Variants in FGGY observed in about 807,000 individuals in gnomAD.
FGGY encodes FGGY carbohydrate kinase domain containing.
A neutral mutation model predicts 71.3 loss-of-function variants in FGGY; 72 were observed. The ratio of observed to expected loss-of-function variants is 1.01; its 90% CI spans 0.84 to 1.23. FGGY has a LOEUF of 1.23. Among genes scored for constraint, FGGY ranks in the 50% most tolerant of loss-of-function variants. The probability of loss-of-function intolerance (pLI) is 0.00; values close to 1 mark genes in which losing one functional copy is unlikely to be tolerated. For missense variants in FGGY, 668 were observed against 682.3 expected, an observed-to-expected ratio of 0.98 and a Z score of 0.23; for synonymous variants, 251 against 250.3, an observed-to-expected ratio of 1.00 and a Z score of -0.02.
chr1:59,450,227 C>G (rs1024446961), intron 5 of FGGY, among the ~76,000 whole-genome samples: 2 of 152,280 alleles, frequency 1.3e-5, no homozygotes, highest in Admixed American at 1.3e-4. Flanking sequence ...TAATATGCGT[C>G]TTTCACTTAT....
In FGGY at chr1:59,549,306, A is replaced by C. The variant is rs116517212; in HGVS notation, c.800-4818A>C. The stretch of plus-strand genomic sequence containing the variant: ...GTTCATTCATCCAAATGACTGAATC[A>C]AGAGTCTCAAACAGATGTAGTCTTA... On this transcript the variant is annotated intron_variant, in intron 7 of 15. Coordinates refer to ENST00000303721, the MANE Select transcript of FGGY (RefSeq NM_018291.5). 2.4e-3 allele frequency among the ~76,000 whole-genome samples: 359 copies of C among 152,368 alleles called. 1 individual carries two copies. Among genetic ancestry groups the C allele is most frequent in the African/African-American group, 8.3e-3 (347 of 41,590 alleles).
At chr1:59,387,031 T>C (rs1034274796) in intron 5 of FGGY, among the ~76,000 whole-genome samples, 1 of 152,082 alleles carries the variant, frequency 6.6e-6, no homozygotes, top group African/African-American at 2.4e-5. Flanking sequence ...CTCTTTAAAA[T>C]AATTATTACG....
At chr1:59,348,926 T>A (rs761216410) in intron 4 of FGGY, among the ~76,000 whole-genome samples, 15 of 152,166 alleles carry the variant, frequency 9.9e-5, no homozygotes, top group Non-Finnish European at 1.8e-4. Flanking sequence ...CACTTCTTAT[T>A]TCAGGCCTCA....
intron 8 of FGGY, among the ~76,000 whole-genome samples, chr1:59,604,936 G>A (rs2096609752): frequency 6.6e-6 from 1 of 152,116 alleles, no homozygotes; most frequent in South Asian, 2.1e-4. Context: ...TTCTAGAATT[G>A]GCACGTGATA....
intron 4 of FGGY, among the ~76,000 whole-genome samples, chr1:59,353,172 A>G (rs553776794): frequency 1.7e-4 from 26 of 152,220 alleles, no homozygotes; most frequent in Non-Finnish European, 3.8e-4. Context: ...GTGCTGAGCT[A>G]TAAAATGAGG....
At chr1:59,756,337 A>G (rs1415824674) in intron 14 of FGGY, among the ~76,000 whole-genome samples, 1 of 152,228 alleles carries the variant, frequency 6.6e-6, no homozygotes, top group Non-Finnish European at 1.5e-5. Flanking sequence ...CTGGGAAGCT[A>G]GATGTCTAGT....
At chr1:59,350,723 G>C (rs1213911941) in intron 4 of FGGY, among the ~76,000 whole-genome samples, 1 of 152,182 alleles carries the variant, frequency 6.6e-6, no homozygotes, top group Non-Finnish European at 1.5e-5. Context: ...AAATGTGTGT[G>C]GGGGAGTAAG....
intron 9 of FGGY, among the ~76,000 whole-genome samples, chr1:59,611,612 G>T (rs1047198612): frequency 6.6e-6 from 1 of 152,200 alleles, no homozygotes; most frequent in Admixed American, 6.5e-5. Flanking sequence ...CCAAAGGAAC[G>T]CAGCTCCTCA....
chr1:59,512,401 T>C lies in FGGY; in HGVS notation c.761T>C (p.Val254Ala). 6.2e-7 allele frequency: 1 copy of C among 1,613,998 alleles called. No individual in the cohort carries two copies. Among genetic ancestry groups the C allele is most frequent in the South Asian group, 1.1e-5 (1 of 91,044 alleles). Residue 254 changes from valine (V) to alanine (A), a missense_variant, in exon 7 of 16, where the codon GTC becomes GCC. This residue lies in a region of FGGY where 661 missense variants were observed against 661.6 expected (regional missense o/e 1.00). Coordinates refer to ENST00000303721, the MANE Select transcript of FGGY (RefSeq NM_018291.5). ...CTTGGCCTTCTCCCTGGGATTGCGG[T>C]CGCAGCTTCACTCATTGATGCCCAT... ...RDLGLLPGIA[V>A]AASLIDAHAG...
At chr1:59,700,497 G>T (rs2097700844) in intron 14 of FGGY, among the ~76,000 whole-genome samples, 1 of 152,184 alleles carries the variant, frequency 6.6e-6, no homozygotes, top group Non-Finnish European at 1.5e-5. Flanking sequence ...CTTATCACAG[G>T]TCGTGTGCAA....
At chr1:59,406,753 T>A (rs2062821014) in intron 5 of FGGY, among the ~76,000 whole-genome samples, 1 of 152,208 alleles carries the variant, frequency 6.6e-6, no homozygotes. Flanking sequence ...CAGCCATGTA[T>A]CTTTCTCCTT....
At chr1:59,595,172 G>A (rs1253638977) in intron 8 of FGGY, among the ~76,000 whole-genome samples, 1 of 152,152 alleles carries the variant, frequency 6.6e-6, no homozygotes, top group Non-Finnish European at 1.5e-5. Flanking sequence ...CCTTCTGTGA[G>A]CCATGGTTTA....
chr1:59,548,610 A>G (rs1304135120), intron 7 of FGGY, among the ~76,000 whole-genome samples: 1 of 152,256 alleles, frequency 6.6e-6, no homozygotes, highest in African/African-American at 2.4e-5. Flanking sequence ...GCAAAGGTTC[A>G]TATAGTACTA....
At chr1:59,415,993 T>G (rs2064346613) in intron 5 of FGGY, among the ~76,000 whole-genome samples, 1 of 152,222 alleles carries the variant, frequency 6.6e-6, no homozygotes, top group African/African-American at 2.4e-5. Flanking sequence ...TGATCTCAGC[T>G]TTGGTCAAGT....
chr1:59,454,738 G>A (rs1393918531), intron 5 of FGGY, among the ~76,000 whole-genome samples: 1 of 152,078 alleles, frequency 6.6e-6, no homozygotes, highest in East Asian at 1.9e-4. Flanking sequence ...GTTAGTATAT[G>A]ATTTTAGTTG....
Position 59,726,318 on chromosome 1 carries a change from G to A in FGGY, c.1513-31613G>A, listed in dbSNP as rs553401170. The stretch of plus-strand genomic sequence containing the variant: ...ATATAATTCCTTTTACACGTTGTTG[G>A]ATTGATTTGCTAATATTATATTAAG... On this transcript the variant is annotated intron_variant, in intron 14 of 15. Coordinates refer to ENST00000303721, the MANE Select transcript of FGGY (RefSeq NM_018291.5). 4.7e-4 allele frequency among the ~76,000 whole-genome samples: 71 copies of A among 152,020 alleles called. 1 individual carries two copies. The highest frequency in any genetic ancestry group is 1.5e-3 in the African/African-American group (63 of 41,460).
At chr1:59,694,265 G>A (rs1448533379) in intron 14 of FGGY, among the ~76,000 whole-genome samples, 1 of 150,836 alleles carries the variant, frequency 6.6e-6, no homozygotes, top group Non-Finnish European at 1.5e-5. Flanking sequence ...CTCCAGCCTG[G>A]GCGACAAAGC....
chr1:59,713,329 C>T (rs1015388103), intron 14 of FGGY, among the ~76,000 whole-genome samples: 10 of 152,284 alleles, frequency 6.6e-5, no homozygotes, highest in South Asian at 2.1e-4. Context: ...CCAAACCGTT[C>T]TACCCTCTGC....
At chr1:59,452,365 T>A (rs113679902) in intron 5 of FGGY, among the ~76,000 whole-genome samples, 5 of 152,362 alleles carry the variant, frequency 3.3e-5, no homozygotes, top group African/African-American at 1.2e-4. Flanking sequence ...AGCATTAATT[T>A]GATTTTCATT....
Sources: allele counts gnomAD v4.1 joint callset (sites outside exome capture counted in the v4.1 genomes callset), GRCh38; gene constraint gnomAD v4.1.1; regional missense constraint gnomAD v4.1.1; transcripts MANE v1.5; gene names NCBI Gene and HGNC (gene_info 2026-07-23, HGNC 2026-07-21).